RASA2: variants seen among roughly 807,000 people sequenced by gnomAD.
RASA2 encodes the protein RAS p21 protein activator 2.
Under a neutral mutation model 118.2 loss-of-function variants are expected in RASA2, and 155 were observed. The observed-to-expected ratio is 1.31, with a 90% confidence interval of 1.15 to 1.50. The LOEUF is 1.50. Ranked by LOEUF, RASA2 falls within the 40% of genes most tolerant of loss-of-function variation. RASA2 has a pLI of 0.00. For synonymous variants in RASA2, 353 were observed against 349.1 expected (o/e 1.01, Z -0.12); for missense variants, 1,016 against 1,009.6 (o/e 1.01, Z -0.09).
At chr3:141,606,876 G>A (rs577399947) in intron 19 of RASA2, among the ~76,000 whole-genome samples, 2 of 152,116 alleles carry the variant, frequency 1.3e-5, no homozygotes, top group Non-Finnish European at 2.9e-5. Flanking sequence ...TGAAATAAAA[G>A]CAAAGCTTTG....
chr3:141,487,300 G>A, intron 1 of RASA2, 84 bp downstream of exon 1: 8 of 1,195,660 alleles, frequency 6.7e-6, no homozygotes, highest in Non-Finnish European at 8.4e-6. Flanking sequence ...CGGTGGCGGC[G>A]CCGAGCTGCG....
Position 141,571,108 on chromosome 3 carries a change from G to A in RASA2, c.1020+40G>A, listed in dbSNP as rs112638973. On this transcript the variant is annotated intron_variant, in intron 10 of 23. Coordinates refer to ENST00000286364, the MANE Select transcript of RASA2 (RefSeq NM_006506.5). Reference sequence around the variant, plus strand: ...TTAAGGATATGATTTAACACGAAACGGCTAAAATAATTCTATAAATGATAA... The same window carrying A: ...TTAAGGATATGATTTAACACGAAACAGCTAAAATAATTCTATAAATGATAA... The A allele has an allele frequency of 4.0e-5, 62 of 1,535,576 alleles. No homozygotes were observed. The East Asian group carries it at 5.3e-4, about 13-fold the overall frequency.
At chr3:141,539,614 C>T (rs1016256472) in intron 4 of RASA2, among the ~76,000 whole-genome samples, 1 of 152,200 alleles carries the variant, frequency 6.6e-6, no homozygotes, top group Non-Finnish European at 1.5e-5. Context: ...CTAGACATCA[C>T]TCCCCTGAAA....
At chr3:141,593,966 G>A (rs2083324994) in intron 19 of RASA2, among the ~76,000 whole-genome samples, 3 of 152,260 alleles carry the variant, frequency 2.0e-5, no homozygotes, top group South Asian at 4.1e-4. Flanking sequence ...AAGGCGATCA[G>A]TAGAAGTAGA....
chr3:141,605,037 G>A (rs1042474281), intron 19 of RASA2, among the ~76,000 whole-genome samples: 1 of 151,994 alleles, frequency 6.6e-6, no homozygotes, highest in African/African-American at 2.4e-5. Context: ...TTCCATTGCT[G>A]CTGATGAGGA....
At chr3:141,610,470 T>C (rs1174865112) in intron 23 of RASA2, among the ~76,000 whole-genome samples, 2 of 114,900 alleles carry the variant, frequency 1.7e-5, no homozygotes, top group East Asian at 2.3e-4. Flanking sequence ...TTATATATTA[T>C]ATATATAAAT....
chr3:141,529,958 G>T (rs2082238046), intron 4 of RASA2, among the ~76,000 whole-genome samples, 156 bp downstream of exon 4: 2 of 152,226 alleles, frequency 1.3e-5, no homozygotes, highest in African/African-American at 4.8e-5. Context: ...GGACAGGAAG[G>T]TAATGGCTTT....
chr3:141,493,180 C>G (rs907832950), intron 1 of RASA2, among the ~76,000 whole-genome samples: 1 of 152,162 alleles, frequency 6.6e-6, no homozygotes, highest in African/African-American at 2.4e-5. Context: ...ATGAATGTTG[C>G]AAATGTACTA....
At chr3:141,512,373 C>CA (rs2151080858) in intron 2 of RASA2, 93 bp downstream of exon 2, 2 of 869,258 alleles carry the variant, frequency 2.3e-6, no homozygotes, top group African/African-American at 1.8e-5. Flanking sequence ...GAAGACAAGA[C>CA]AGAAACAGTG....
At chr3:141,532,908 C>A (rs1051375347) in intron 4 of RASA2, among the ~76,000 whole-genome samples, 1 of 151,820 alleles carries the variant, frequency 6.6e-6, no homozygotes, top group African/African-American at 2.4e-5. Flanking sequence ...TGTTTTTTTT[C>A]TTTCCCTTTC....
Position 141,487,072 on chromosome 3 carries a change from C to T in RASA2, c.-12C>T, listed in dbSNP as rs1288955002. The T allele has an allele frequency of 1.2e-5, 16 of 1,304,072 alleles. No homozygotes were observed. The highest frequency in any genetic ancestry group is 1.6e-5 in the Non-Finnish European group (16 of 1,016,784). 80.8% of individuals were successfully genotyped at this position (1,304,072 alleles called of 1,614,324 possible). A position where few individuals can be genotyped will look rare whatever the true frequency, so the allele number is the denominator to read the frequency against. On this transcript the variant is annotated 5_prime_UTR_variant, in exon 1 of 24. Coordinates refer to ENST00000286364, the MANE Select transcript of RASA2 (RefSeq NM_006506.5). The stretch of plus-strand genomic sequence containing the variant: ...GCAGGCGGCAGGGCTGCGGCACGGG[C>T]CGGGCGGCACCATGGCGGCGGCGGC...
chr3:141,526,260 C>G (rs1560009235), intron 3 of RASA2: 1 of 152,176 alleles, frequency 6.6e-6, no homozygotes, highest in Non-Finnish European at 1.5e-5. Context: ...GCTCTTTCCA[C>G]TGTGTCGGGC....
At chr3:141,544,992 G>A (rs1577712673) in intron 5 of RASA2, among the ~76,000 whole-genome samples, 1 of 152,188 alleles carries the variant, frequency 6.6e-6, no homozygotes, top group South Asian at 2.1e-4. Context: ...CCTACCAGAG[G>A]GTGGAGAGTA....
intron 1 of RASA2, among the ~76,000 whole-genome samples, chr3:141,506,915 CAAAAAAA>C (rs59123792): frequency 1.1e-5 from 1 of 89,764 alleles, no homozygotes; most frequent in Non-Finnish European, 2.2e-5. Context: ...GACCCTGTCT[CAAAAAAA>C]AAAAAAAAAA....
At chr3:141,590,256 T>C (rs1378151927) in intron 19 of RASA2, 2 of 428,810 alleles carry the variant, frequency 4.7e-6, no homozygotes, top group Non-Finnish European at 9.4e-6. Flanking sequence ...AACTGTTTAC[T>C]CCAGCTAAAT....
intron 23 of RASA2, among the ~76,000 whole-genome samples, 161 bp downstream of exon 23, chr3:141,610,227 G>A (rs934993422): frequency 1.0e-4 from 15 of 149,600 alleles, no homozygotes; most frequent in African/African-American, 3.7e-4. Context: ...TGCTCTTTGT[G>A]TTGTTCAGTT....
chr3:141,594,997 T>A (rs2083345093), intron 19 of RASA2, among the ~76,000 whole-genome samples: 1 of 151,524 alleles, frequency 6.6e-6, no homozygotes, highest in African/African-American at 2.4e-5. Flanking sequence ...AGGAAGGGGG[T>A]GGAGTAAATT....
intron 1 of RASA2, among the ~76,000 whole-genome samples, chr3:141,509,878 A>T (rs986076605): frequency 2.6e-5 from 4 of 152,354 alleles, no homozygotes; most frequent in African/African-American, 9.6e-5. Context: ...CATTTTAGGC[A>T]GTTAATTAAA....
chr3:141,548,452 T>A (rs59714050), intron 5 of RASA2, among the ~76,000 whole-genome samples: 19,538 of 152,082 alleles, frequency 0.13, 1,781 homozygotes, highest in East Asian at 0.24. Flanking sequence ...TCTAGGTTTT[T>A]CCATTTATTC....
Sources: gnomAD v4.1 joint callset for allele counts (sites outside exome capture counted in the v4.1 genomes callset) on GRCh38, gnomAD v4.1.1 for gene constraint, MANE v1.5 for transcripts, NCBI Gene and HGNC (gene_info 2026-07-23, HGNC 2026-07-21) for gene names.